LARS2: variants seen among roughly 807,000 people sequenced by gnomAD.
LARS2 encodes the protein leucine--tRNA ligase, mitochondrial.
Under a neutral mutation model 116.6 loss-of-function variants are expected in LARS2, and 81 were observed. The observed-to-expected ratio is 0.69, with a 90% CI of 0.58 to 0.84. The LOEUF (loss-of-function observed/expected upper bound fraction) is 0.84. Among genes scored for constraint, LARS2 ranks in the 40% least tolerant of loss-of-function variants. The pLI, the probability that LARS2 is intolerant of heterozygous loss-of-function variation, is 0.00. For synonymous variants in LARS2, 396 were observed against 407.2 expected, an observed-to-expected ratio of 0.97 and a Z score of 0.33; for missense variants, 968 against 1,114.5, an observed-to-expected ratio of 0.87 and a Z score of 1.87.
intron 6 of LARS2, among the ~76,000 whole-genome samples, chr3:45,446,316 A>G (rs1023206492): frequency 4.6e-5 from 7 of 152,252 alleles, no homozygotes; most frequent in African/African-American, 1.4e-4. Flanking sequence ...ATATAAACCA[A>G]GTGGTTTCTT....
intron 4 of LARS2, among the ~76,000 whole-genome samples, chr3:45,417,231 A>G (rs549053273): frequency 6.6e-6 from 1 of 152,280 alleles, no homozygotes; most frequent in Non-Finnish European, 1.5e-5. Flanking sequence ...TATAGAAAAG[A>G]AGAAAATAAA....
intron 6 of LARS2, among the ~76,000 whole-genome samples, chr3:45,433,162 GT>G (rs1176575767): frequency 6.6e-6 from 1 of 151,876 alleles, no homozygotes; most frequent in Non-Finnish European, 1.5e-5. Flanking sequence ...TTTGAAGTGG[GT>G]TTTTTGTAAA....
At chr3:45,487,566 A>G (rs1699837410) in intron 11 of LARS2, among the ~76,000 whole-genome samples, 1 of 152,212 alleles carries the variant, frequency 6.6e-6, no homozygotes, top group African/African-American at 2.4e-5. Flanking sequence ...AGATGACCCT[A>G]TAGCAGGGGT....
chr3:45,412,981 G>C (rs1016044921), intron 4 of LARS2, among the ~76,000 whole-genome samples: 2 of 152,198 alleles, frequency 1.3e-5, no homozygotes, highest in African/African-American at 4.8e-5. Context: ...AGAACAGCCG[G>C]GCTGCTTTTA....
At chr3:45,492,994 A>G (rs1699949950) in intron 13 of LARS2, among the ~76,000 whole-genome samples, 2 of 152,188 alleles carry the variant, frequency 1.3e-5, no homozygotes, top group South Asian at 2.1e-4. Context: ...TGGCCTGCAT[A>G]CAGCACAGCA....
chr3:45,445,389 A>G (rs1043878495), intron 6 of LARS2, among the ~76,000 whole-genome samples: 2 of 152,236 alleles, frequency 1.3e-5, no homozygotes, highest in Non-Finnish European at 2.9e-5. Flanking sequence ...GGAGGAAAAG[A>G]TGATGGATGA....
chr3:45,517,474 G>T (rs1170993567), intron 17 of LARS2, among the ~76,000 whole-genome samples: 1 of 152,232 alleles, frequency 6.6e-6, no homozygotes, highest in Non-Finnish European at 1.5e-5. Context: ...CAGCAGTGTG[G>T]CTGCAAGCAC....
At chr3:45,420,138 C>T (rs1053712363) in intron 6 of LARS2, among the ~76,000 whole-genome samples, 2 of 152,212 alleles carry the variant, frequency 1.3e-5, no homozygotes, top group Non-Finnish European at 2.9e-5. Context: ...AAGTGAGGCT[C>T]ATAACAGCCC....
At chr3:45,464,873 T>A (rs1336317367) in intron 8 of LARS2, among the ~76,000 whole-genome samples, 4 of 152,136 alleles carry the variant, frequency 2.6e-5, no homozygotes, top group African/African-American at 9.7e-5. Context: ...CTGCTTGGGT[T>A]TATCTACAAT....
intron 10 of LARS2, among the ~76,000 whole-genome samples, chr3:45,480,204 A>G (rs1265640654): frequency 6.6e-6 from 1 of 152,062 alleles, no homozygotes; most frequent in Non-Finnish European, 1.5e-5. Context: ...GGAATAAACA[A>G]AAAAAAACAG....
Position 45,486,791 on chromosome 3 carries a change from G to A in LARS2, c.1123+995G>A, listed in dbSNP as rs570835717. On this transcript the variant is annotated intron_variant, in intron 11 of 21. Coordinates refer to ENST00000645846, the MANE Select transcript of LARS2 (RefSeq NM_015340.4). Reference sequence around the variant, plus strand: ...GTAAAATTTATTAATATAACCAGCCGGGATAAACATAAAGGCAGTTTTTAT... The same window carrying A: ...GTAAAATTTATTAATATAACCAGCCAGGATAAACATAAAGGCAGTTTTTAT... Among the ~76,000 whole-genome samples, 11 of 152,150 alleles carry A rather than the reference G, an allele frequency of 7.2e-5. No homozygotes were observed. The East Asian group carries it at 9.7e-4, about 13-fold the overall frequency.
chr3:45,524,057 A>G lies in LARS2; in HGVS notation c.2353A>G (p.Met785Val). 20 of 1,613,988 alleles carry G rather than the reference A, an allele frequency of 1.2e-5. No homozygotes were observed. The highest frequency in any genetic ancestry group is 1.7e-5 in the Non-Finnish European group (20 of 1,179,940). The change falls in exon 20 of 22, where the codon ATG becomes GTG. Residue 785 changes from methionine (M) to valine (V), a missense_variant. Physicochemically the swap from Met to Val is conservative, Grantham distance 21. Transcript: ENST00000645846. ...GTTTGAGGATGCTTTGTGTGCCCTG[A>G]TGGTAATGGCTGCTCCACTGGCCCC... ...PEFEDALCAL[M>V]VMAAPLAPHV...
chr3:45,458,748 G>T lies in LARS2; in HGVS notation c.612G>T (p.Leu204=), dbSNP rs781131581. The T allele has an allele frequency of 1.2e-6, 2 of 1,614,132 alleles. No individual in the cohort carries two copies. The highest frequency in any genetic ancestry group is 3.3e-5 in the Admixed American group (2 of 60,016). Residue 204 remains leucine (L), a synonymous_variant, in exon 8 of 22, where the codon CTG becomes CTT. Transcript: ENST00000645846. ...TTGTTTCATGAATTATACAGGCCCT[G>T]GTTAACTGGGACCCAGTGGATCAAA... The part of the protein sequence containing the change: ...EAGLAYQKEA[L]VNWDPVDQTV...
intron 2 of LARS2, among the ~76,000 whole-genome samples, chr3:45,392,342 C>A (rs996387104): frequency 6.8e-6 from 1 of 148,032 alleles, no homozygotes; most frequent in Non-Finnish European, 1.5e-5. Flanking sequence ...TGTTTTGTCG[C>A]CCAGGCTCTG....
At chr3:45,391,335 A>G (rs1697944033) in intron 1 of LARS2, among the ~76,000 whole-genome samples, 1 of 151,966 alleles carries the variant, frequency 6.6e-6, no homozygotes. Context: ...AATACAAAAA[A>G]TTAGCCGGGT....
intron 11 of LARS2, 56 bp from the exon 12 acceptor site, chr3:45,488,641 T>C: frequency 9.5e-7 from 1 of 1,053,350 alleles, no homozygotes; most frequent in Non-Finnish European, 1.5e-6. Context: ...CTGTCAGTTG[T>C]TTTGTGATTT....
intron 4 of LARS2, among the ~76,000 whole-genome samples, chr3:45,401,205 A>G (rs1698142555): frequency 6.6e-6 from 1 of 152,136 alleles, no homozygotes; most frequent in Non-Finnish European, 1.5e-5. Flanking sequence ...AAGTGCCACT[A>G]AAGAAGGAAC....
chr3:45,545,322 C>G (rs761936159), intron 21 of LARS2, among the ~76,000 whole-genome samples: 1 of 152,172 alleles, frequency 6.6e-6, no homozygotes, highest in African/African-American at 2.4e-5. Flanking sequence ...GGGCCCTGTC[C>G]GGCAGGTGTC....
Position 45,541,715 on chromosome 3 carries a change from C to G in LARS2, c.2405-114C>G. The G allele has an allele frequency of 3.7e-6, 5 of 1,351,292 alleles. 1 individual carries two copies. Among genetic ancestry groups the G allele is most frequent in the Middle Eastern group, 5.4e-4 (2 of 3,738 alleles). 83.7% of individuals were successfully genotyped at this position (1,351,292 alleles called of 1,614,324 possible). A position where few individuals can be genotyped will look rare whatever the true frequency, so the allele number is the denominator to read the frequency against. ...CAGCAGCCATGGTCTGGCTTCCCAC[C>G]GGCTCCTCACACAGCTCCAAGCCAG... is the stretch of plus-strand genomic sequence containing the variant. On this transcript the variant is annotated intron_variant, in intron 20 of 21. Coordinates refer to ENST00000645846, the MANE Select transcript of LARS2 (RefSeq NM_015340.4).
Sources: allele counts gnomAD v4.1 joint callset (sites outside exome capture counted in the v4.1 genomes callset), GRCh38; gene constraint gnomAD v4.1.1; transcripts MANE v1.5; gene names NCBI Gene and HGNC (gene_info 2026-07-23, HGNC 2026-07-21).